PBK: variants seen among roughly 807,000 people sequenced by gnomAD.
The protein encoded by PBK is PDZ binding kinase.
Under a neutral mutation model 33.5 loss-of-function variants are expected in PBK, and 22 were observed. The ratio of observed to expected loss-of-function variants is 0.66; its 90% CI spans 0.47 to 0.94. The LOEUF (loss-of-function observed/expected upper bound fraction) is 0.94, where lower values mean the gene tolerates loss of function less well. Among genes scored for constraint, PBK ranks in the 40% least tolerant of loss-of-function variants. The pLI, the probability that PBK is intolerant of heterozygous loss-of-function variation, is 0.00. For synonymous variants in PBK, 129 were observed against 123.8 expected, an observed-to-expected ratio of 1.04 and a Z score of -0.28; for missense variants, 376 against 383.4, an observed-to-expected ratio of 0.98 and a Z score of 0.16.
At chr8:27,822,243 T>A in intron 5 of PBK, 76 bp downstream of exon 5, 1 of 1,088,442 alleles carries the variant, frequency 9.2e-7, no homozygotes, top group Non-Finnish European at 1.3e-6. Flanking sequence ...TTCAAAGATG[T>A]CCTGCAAAGT....
At chr8:27,819,715 T>C (rs886832717) in intron 6 of PBK, among the ~76,000 whole-genome samples, 10 of 152,300 alleles carry the variant, frequency 6.6e-5, no homozygotes, top group African/African-American at 2.4e-4. Context: ...CTGTTTGCTC[T>C]ATTAAGCATT....
chr8:27,822,846 AATT>A (rs772540895), intron 4 of PBK, among the ~76,000 whole-genome samples: 16 of 152,132 alleles, frequency 1.1e-4, no homozygotes, highest in Admixed American at 4.6e-4. Flanking sequence ...CTAGCAACAT[AATT>A]ATTATATCTG....
chr8:27,821,786 G>T (rs1219423047), intron 5 of PBK, among the ~76,000 whole-genome samples: 2 of 152,072 alleles, frequency 1.3e-5, no homozygotes, highest in African/African-American at 4.8e-5. Flanking sequence ...AGACCATGTG[G>T]GACAATGAAT....
chr8:27,811,325 C>T, intron 6 of PBK, 191 bp from the exon 7 acceptor site: 1 of 610,882 alleles, frequency 1.6e-6, no homozygotes, highest in Non-Finnish European at 2.9e-6. Flanking sequence ...ATTCAAGAAG[C>T]TGGTCAGTTG....
chr8:27,834,147 C>A (rs1402919937), intron 1 of PBK, among the ~76,000 whole-genome samples: 1 of 151,976 alleles, frequency 6.6e-6, no homozygotes, highest in Non-Finnish European at 1.5e-5. Context: ...CCTGCCTTAG[C>A]CTCCTGAGTA....
chr8:27,826,238 C>A (rs1002519472), intron 3 of PBK, among the ~76,000 whole-genome samples: 6 of 151,950 alleles, frequency 3.9e-5, no homozygotes, highest in Non-Finnish European at 5.9e-5. Flanking sequence ...AGAATTGTAA[C>A]CCAGAAAACC....
chr8:27,822,340 C>G lies in PBK; in HGVS notation c.444G>C (p.Leu148Phe). 6.2e-7 allele frequency: 1 copy of G among 1,612,038 alleles called. No individual in the cohort carries two copies. Among genetic ancestry groups the G allele is most frequent in the Non-Finnish European group, 8.5e-7 (1 of 1,179,054 alleles). The change falls in exon 5 of 8, where the codon TTG becomes TTC. Residue 148 changes from leucine to phenylalanine, a missense_variant. By Grantham distance (22) the Leu-to-Phe change is conservative (BLOSUM62 0). Coordinates refer to ENST00000301905, the MANE Select transcript of PBK (RefSeq NM_018492.4). The stretch of plus-strand genomic sequence containing the variant: ...TTACCTTTAACCCTCTTGCCATATT[C>G]AAAGCAACTTTTAAAATTATGGCTG... ...FPAAIILKVA[L>F]NMARGLKYLH...
intron 2 of PBK, among the ~76,000 whole-genome samples, chr8:27,830,481 G>A (rs1806109213): frequency 6.6e-6 from 1 of 152,102 alleles, no homozygotes; most frequent in Non-Finnish European, 1.5e-5. Context: ...TGAGCTATGG[G>A]ACAATAGCAA....
chr8:27,832,743 A>G (rs1391693621), intron 2 of PBK, among the ~76,000 whole-genome samples: 1 of 152,186 alleles, frequency 6.6e-6, no homozygotes, highest in Non-Finnish European at 1.5e-5. Flanking sequence ...TGCCTTGGAA[A>G]ATATCTTTCC....
chr8:27,814,483 T>C (rs569212788), intron 6 of PBK, among the ~76,000 whole-genome samples: 1 of 152,270 alleles, frequency 6.6e-6, no homozygotes, highest in South Asian at 2.1e-4. Flanking sequence ...AGCTTTTGGC[T>C]TTGTTAATAT....
chr8:27,816,701 T>C (rs751161817), intron 6 of PBK, among the ~76,000 whole-genome samples: 21 of 152,202 alleles, frequency 1.4e-4, no homozygotes, highest in Middle Eastern at 3.4e-3. Context: ...AGTTGTGAAA[T>C]GTTAATATAT....
Position 27,810,260 on chromosome 8 carries a change from A to C in PBK, c.*45T>G, listed in dbSNP as rs1282338119. 7.7e-7 allele frequency: 1 copy of C among 1,297,724 alleles called. No homozygotes were observed. Among genetic ancestry groups the C allele is most frequent in the South Asian group, 1.2e-5 (1 of 81,642 alleles). The allele number at this position is 1,297,724 out of a possible 1,614,324, so 80.4% of individuals were successfully genotyped here. A position where few individuals can be genotyped will look rare whatever the true frequency, so the allele number is the denominator to read the frequency against. The stretch of plus-strand genomic sequence containing the variant: ...GATAGTAACTATGTAAATATTTTGG[A>C]ATAAACAGTTATTTACGCAAGCCAC... On this transcript the variant is annotated 3_prime_UTR_variant, in exon 8 of 8. Coordinates refer to ENST00000301905, the MANE Select transcript of PBK (RefSeq NM_018492.4).
At chr8:27,826,658 T>C (rs1327268942) in intron 3 of PBK, among the ~76,000 whole-genome samples, 4 of 141,932 alleles carry the variant, frequency 2.8e-5, no homozygotes, top group Admixed American at 6.9e-5. Context: ...TAGCCGGGCG[T>C]GGTGGCGGGC....
chr8:27,816,216 C>T (rs1325689858), intron 6 of PBK, among the ~76,000 whole-genome samples: 1 of 151,856 alleles, frequency 6.6e-6, no homozygotes, highest in African/African-American at 2.4e-5. Context: ...AGATTAGGAG[C>T]TGCAACAGGG....
At chr8:27,810,901 A>G (rs1414753861) in intron 7 of PBK, 57 bp downstream of exon 7, 5 of 1,122,650 alleles carry the variant, frequency 4.5e-6, no homozygotes, top group South Asian at 2.6e-5. Context: ...ATAAAATTAT[A>G]TAATCTTTAG....
intron 6 of PBK, among the ~76,000 whole-genome samples, chr8:27,813,785 C>A (rs1051724096): frequency 8.5e-5 from 13 of 152,184 alleles, no homozygotes; most frequent in Admixed American, 6.5e-4. Context: ...TACAACTTTT[C>A]CTTCCTGGAA....
intron 6 of PBK, 31 bp downstream of exon 6, chr8:27,820,528 TAAAAAC>T (rs1235968231): frequency 3.0e-6 from 4 of 1,352,028 alleles, no homozygotes; most frequent in Non-Finnish European, 4.1e-6. Flanking sequence ...AACACTGTAT[TAAAAAC>T]AAAATTTTAA....
At chr8:27,815,442 T>C (rs960474983) in intron 6 of PBK, among the ~76,000 whole-genome samples, 14 of 152,164 alleles carry the variant, frequency 9.2e-5, no homozygotes, top group African/African-American at 3.4e-4. Context: ...GTTTAGAAGG[T>C]AGCCATGGAC....
intron 5 of PBK, 110 bp downstream of exon 5, chr8:27,822,209 G>C (rs190358801): frequency 1.2e-6 from 1 of 810,262 alleles, no homozygotes; most frequent in Non-Finnish European, 1.9e-6. Flanking sequence ...TTTTGGAACT[G>C]ACAAGTAACA....
Sources: allele counts gnomAD v4.1 joint callset (sites outside exome capture counted in the v4.1 genomes callset), GRCh38; gene constraint gnomAD v4.1.1; transcripts MANE v1.5; gene names NCBI Gene and HGNC (gene_info 2026-07-23, HGNC 2026-07-21).